Variants in ZBTB8A observed in about 807,000 individuals in gnomAD.
ZBTB8A encodes zinc finger and BTB domain containing 8A.
Under a neutral mutation model 37.8 loss-of-function variants are expected in ZBTB8A, and 19 were observed. That is an observed-to-expected ratio of 0.50 (90% CI 0.35 to 0.74). The LOEUF (loss-of-function observed/expected upper bound fraction) is 0.74. ZBTB8A is among the 30% of genes least tolerant of loss of function. ZBTB8A has a pLI of 0.01. For missense variants in ZBTB8A, 394 were observed against 537.8 expected (o/e 0.73, Z 2.65); for synonymous variants, 181 against 185.2 (o/e 0.98, Z 0.19).
In ZBTB8A at chr1:32,553,516, A is replaced by G. The variant is rs1277408189; in HGVS notation, c.-26A>G. On this transcript the variant is annotated 5_prime_UTR_variant, in exon 2 of 5. Transcript: ENST00000373510. ...GAATCTTCCCTTTTTTACTCCATTC[A>G]AGAGCAGCATTCATAAATTTCCAGG... 6.6e-6 allele frequency: 1 copy of G among 152,144 alleles called. No homozygotes were observed. The highest frequency in any genetic ancestry group is 1.5e-5 in the Non-Finnish European group (1 of 68,018). 9.4% of individuals were successfully genotyped at this position (152,144 alleles called of 1,614,324 possible). A position where few individuals can be genotyped will look rare whatever the true frequency, so the allele number is the denominator to read the frequency against.
At chr1:32,595,250 T>C (rs1644521279) in intron 4 of ZBTB8A, 27 bp downstream of exon 4, 1 of 1,599,430 alleles carries the variant, frequency 6.3e-7, no homozygotes, top group Non-Finnish European at 8.5e-7. Flanking sequence ...TTCATCGTTT[T>C]ACTAATTCTT....
chr1:32,573,420 A>C, intron 2 of ZBTB8A, among the ~76,000 whole-genome samples: 1 of 144,336 alleles, frequency 6.9e-6, no homozygotes, highest in African/African-American at 2.6e-5. Flanking sequence ...ATTTTTTCAG[A>C]ACTTTCTTCT....
rs1457278471 is a variant in ZBTB8A, at chr1:32,605,845, T to C, written c.*5426T>C. The C allele has an allele frequency of 6.6e-6, 1 of 152,102 alleles. No individual in the cohort carries two copies. Among genetic ancestry groups the C allele is most frequent in the Non-Finnish European group, 1.5e-5 (1 of 68,038 alleles). The allele number at this position is 152,102 out of a possible 1,614,324, so 9.4% of individuals were successfully genotyped here. On this transcript the variant is annotated 3_prime_UTR_variant, in exon 5 of 5. Coordinates refer to ENST00000373510, the MANE Select transcript of ZBTB8A (RefSeq NM_001040441.3). Reference sequence around the variant, plus strand: ...TGAGGTGTGTTGTGTATCACTCTATTTTATAGATGATTTTATATAAGTAAC... The same window carrying C: ...TGAGGTGTGTTGTGTATCACTCTATCTTATAGATGATTTTATATAAGTAAC...
At chr1:32,582,184 C>T (rs938344182) in intron 2 of ZBTB8A, among the ~76,000 whole-genome samples, 17 of 152,114 alleles carry the variant, frequency 1.1e-4, no homozygotes, top group African/African-American at 3.9e-4. Context: ...GCTCCAAAAT[C>T]TAAAACTTTT....
chr1:32,552,094 T>A (rs1170594850), intron 1 of ZBTB8A, among the ~76,000 whole-genome samples: 1 of 152,152 alleles, frequency 6.6e-6, no homozygotes, highest in Admixed American at 6.5e-5. Context: ...CCAGGGACAG[T>A]GGCTCATGCC....
chr1:32,582,302 C>CA (rs1644412943), intron 2 of ZBTB8A, among the ~76,000 whole-genome samples: 2 of 151,860 alleles, frequency 1.3e-5, no homozygotes, highest in South Asian at 4.2e-4. Context: ...TCCCAAAATC[C>CA]AAAAAAATAT....
At chr1:32,584,508 C>CTTTTTTTTTTTTTTTTTTTTT (rs1177778440) in intron 2 of ZBTB8A, among the ~76,000 whole-genome samples, 11 of 117,870 alleles carry the variant, frequency 9.3e-5, no homozygotes, top group Admixed American at 1.9e-4. Context: ...TTCTTTCTTT[C>CTTTTTTTTTTTTTTTTTTTTT]TTTTTTTTTT....
At chr1:32,553,308 C>T (rs1014630953) in intron 1 of ZBTB8A, among the ~76,000 whole-genome samples, 151 bp from the exon 2 acceptor site, 4 of 152,262 alleles carry the variant, frequency 2.6e-5, no homozygotes, top group East Asian at 1.9e-4. Context: ...TATCTGCCCG[C>T]GTTGGCCTCC....
At position 32,602,897 on chromosome 1, in the gene ZBTB8A, T is replaced by G. The variant is rs1252404454; in HGVS notation, c.*2478T>G. 2.0e-5 allele frequency: 3 copies of G among 152,314 alleles called. No individual in the cohort carries two copies. Among genetic ancestry groups the G allele is most frequent in the Admixed American group, 2.0e-4 (3 of 15,290 alleles). The allele number at this position is 152,314 out of a possible 1,614,324, so 9.4% of individuals were successfully genotyped here. On this transcript the variant is annotated 3_prime_UTR_variant, in exon 5 of 5. Transcript: ENST00000373510. The stretch of plus-strand genomic sequence containing the variant: ...GCCATGACATACCTCAAAATTATCC[T>G]TTTTATGTTACTATTTTCTCTTGTT...
intron 2 of ZBTB8A, among the ~76,000 whole-genome samples, chr1:32,573,158 C>T (rs1157979630): frequency 6.6e-6 from 1 of 150,558 alleles, no homozygotes; most frequent in Non-Finnish European, 1.5e-5. Context: ...GCAACCTCCC[C>T]CTCCCAGGTT....
chr1:32,589,105 G>C (rs1389334007), intron 2 of ZBTB8A, among the ~76,000 whole-genome samples: 1 of 152,098 alleles, frequency 6.6e-6, no homozygotes, highest in African/African-American at 2.4e-5. Flanking sequence ...CTGTTCCAAT[G>C]AATTTTGTGT....
chr1:32,567,086 T>C (rs923065830), intron 2 of ZBTB8A, among the ~76,000 whole-genome samples: 2 of 152,210 alleles, frequency 1.3e-5, no homozygotes, highest in African/African-American at 2.4e-5. Context: ...AGAGGTTTAA[T>C]TGGCTCACAG....
chr1:32,584,739 C>G (rs2148243914), intron 2 of ZBTB8A, among the ~76,000 whole-genome samples: 1 of 151,808 alleles, frequency 6.6e-6, no homozygotes, highest in African/African-American at 2.4e-5. Flanking sequence ...AGGCTGGTCT[C>G]AAACTCCTGG....
chr1:32,554,886 C>G (rs566697897), intron 2 of ZBTB8A, among the ~76,000 whole-genome samples: 1 of 152,064 alleles, frequency 6.6e-6, no homozygotes, highest in Non-Finnish European at 1.5e-5. Context: ...ATCACATACT[C>G]GTATTATTAA....
At chr1:32,586,272 T>G (rs1330792709) in intron 2 of ZBTB8A, among the ~76,000 whole-genome samples, 2 of 152,120 alleles carry the variant, frequency 1.3e-5, no homozygotes, top group Non-Finnish European at 2.9e-5. Flanking sequence ...TGAACCGAGA[T>G]CTCGCCATTG....
At chr1:32,596,891 A>C (rs1644536515) in intron 4 of ZBTB8A, among the ~76,000 whole-genome samples, 1 of 152,232 alleles carries the variant, frequency 6.6e-6, no homozygotes, top group Admixed American at 6.5e-5. Flanking sequence ...TGTCTAGGTC[A>C]GAATCACCAC....
At chr1:32,561,305 A>G (rs1308907398) in intron 2 of ZBTB8A, among the ~76,000 whole-genome samples, 1 of 152,100 alleles carries the variant, frequency 6.6e-6, no homozygotes, top group African/African-American at 2.4e-5. Flanking sequence ...CCTTTCAAGC[A>G]TCTACCCTAG....
intron 2 of ZBTB8A, among the ~76,000 whole-genome samples, chr1:32,566,201 CAAAAA>C (rs35071920): frequency 2.8e-5 from 2 of 70,750 alleles, no homozygotes; most frequent in African/African-American, 5.4e-5. Context: ...GACTCCATCT[CAAAAA>C]AAAAAAAAAA....
chr1:32,588,845 A>G (rs1485322338), intron 2 of ZBTB8A, among the ~76,000 whole-genome samples: 2 of 151,928 alleles, frequency 1.3e-5, no homozygotes, highest in Non-Finnish European at 2.9e-5. Context: ...TTAGCTGGGT[A>G]TGGTAGCATG....
Sources: allele counts gnomAD v4.1 joint callset (sites outside exome capture counted in the v4.1 genomes callset), GRCh38; gene constraint gnomAD v4.1.1; transcripts MANE v1.5; gene names NCBI Gene and HGNC (gene_info 2026-07-23, HGNC 2026-07-21).